The following STAG2 variants were observed in gnomAD, a reference collection of about 807,000 sequenced individuals.
The protein encoded by STAG2 is STAG2 cohesin complex component, also known as cohesin subunit SA-2.
A neutral mutation model predicts 108.1 loss-of-function variants in STAG2; 14 were observed. The ratio of observed to expected loss-of-function variants is 0.13; its 90% CI spans 0.09 to 0.20. The LOEUF is 0.20. Ranked by LOEUF, STAG2 falls within the 10% of genes least tolerant of loss-of-function variation. The pLI is 1.00. For missense variants in STAG2, 440 were observed against 940.9 expected (o/e 0.47, Z 6.96); for synonymous variants, 307 against 302.7 (o/e 1.01, Z -0.15).
At chrX:124,045,864 T>A (rs2057860164) in intron 8 of STAG2, among the ~76,000 whole-genome samples, 1 of 111,119 alleles carries the variant, frequency 9.0e-6, no homozygotes, top group South Asian at 3.8e-4. Context: ...TAGTTTGTCT[T>A]TGGTGTGCGT....
At chrX:124,015,976 A>C (rs1390662082) in intron 1 of STAG2, among the ~76,000 whole-genome samples, 3 of 111,965 alleles carry the variant, frequency 2.7e-5, no homozygotes, top group Non-Finnish European at 5.6e-5. Context: ...CCTGTAAGAA[A>C]GTTTATGTTC....
intron 1 of STAG2, among the ~76,000 whole-genome samples, chrX:123,986,043 T>C (rs988735004): frequency 5.7e-5 from 6 of 106,151 alleles, no homozygotes; most frequent in South Asian, 4.0e-4. Context: ...TAACCTCACA[T>C]ATATATATAT....
At chrX:124,051,812 G>C (rs575869860) in intron 13 of STAG2, among the ~76,000 whole-genome samples, 20 of 111,101 alleles carry the variant, frequency 1.8e-4, no homozygotes, top group South Asian at 7.5e-4. Context: ...GGATGGTCTC[G>C]ATCTCCTGAC....
rs1184525984 is a variant in STAG2, at chrX:124,081,374, A to G, written c.2776-6A>G. On this transcript the variant is annotated splice_polypyrimidine_tract_variant and splice_region_variant and intron_variant, in intron 27 of 34. Transcript: ENST00000371145. Reference sequence around the variant, plus strand: ...ACTTTAACATGCTTTCTTTCTTTCCAAACAGCTTTTTAATGAAATGATACA... The same window carrying G: ...ACTTTAACATGCTTTCTTTCTTTCCGAACAGCTTTTTAATGAAATGATACA... 8.9e-7 allele frequency: 1 copy of G among 1,127,895 alleles called. No homozygotes were observed. The highest frequency in any genetic ancestry group is 2.6e-4 in the Middle Eastern group (1 of 3,850). 93.0% of individuals were successfully genotyped at this position (1,127,895 alleles called of 1,213,427 possible).
At chrX:123,969,867 G>C (rs1351105704) in intron 1 of STAG2, among the ~76,000 whole-genome samples, 1 of 106,800 alleles carries the variant, frequency 9.4e-6, no homozygotes, top group African/African-American at 3.4e-5. Flanking sequence ...GGCTGGTCTC[G>C]AACTCCTGAC....
At chrX:123,971,115 A>G (rs2054333491) in intron 1 of STAG2, among the ~76,000 whole-genome samples, 1 of 112,071 alleles carries the variant, frequency 8.9e-6, no homozygotes, top group South Asian at 3.6e-4. Flanking sequence ...CCCACTTAGT[A>G]AGCGGTAAGA....
chrX:124,031,697 C>A (rs1383828828), intron 5 of STAG2, among the ~76,000 whole-genome samples: 2 of 106,262 alleles, frequency 1.9e-5, no homozygotes, highest in Non-Finnish European at 3.9e-5. Context: ...GGATTACAGG[C>A]GGAAGCCACC....
chrX:124,096,746 C>T (rs929095530), intron 34 of STAG2, among the ~76,000 whole-genome samples: 4 of 112,283 alleles, frequency 3.6e-5, no homozygotes, highest in African/African-American at 6.5e-5. Context: ...CCTCAGGTGA[C>T]GGTTATACCA....
Position 124,022,471 on chromosome X carries a change from A to G in STAG2, c.-97-60A>G, listed in dbSNP as rs915001077. The G allele has an allele frequency of 1.2e-5, 5 of 431,104 alleles. No homozygotes were observed. The South Asian group carries it at 1.8e-4, about 15-fold the overall frequency. The allele number at this position is 431,104 out of a possible 1,213,427, so 35.5% of individuals were successfully genotyped here. A position where few individuals can be genotyped will look rare whatever the true frequency, so the allele number is the denominator to read the frequency against. On this transcript the variant is annotated intron_variant, in intron 2 of 34. Coordinates refer to ENST00000371145, the MANE Select transcript of STAG2 (RefSeq NM_001042750.2). ...TGGGGAATTTAACTTTTGAGTATGGATATCCTTTCCGAATATTTTTGGTGC... is the reference window on the plus strand; with the variant it reads ...TGGGGAATTTAACTTTTGAGTATGGGTATCCTTTCCGAATATTTTTGGTGC...
At chrX:123,999,207 CAG>C (rs2055907652) in intron 1 of STAG2, among the ~76,000 whole-genome samples, 1 of 111,926 alleles carries the variant, frequency 8.9e-6, no homozygotes, top group Non-Finnish European at 1.9e-5. Context: ...GTAGAGGAAG[CAG>C]AGAGACATTA....
At chrX:123,970,916 G>A (rs1031675048) in intron 1 of STAG2, among the ~76,000 whole-genome samples, 9 of 111,712 alleles carry the variant, frequency 8.1e-5, no homozygotes, top group Non-Finnish European at 1.5e-4. Context: ...ACTTTTGAAC[G>A]TGAAAGGGAT....
intron 1 of STAG2, among the ~76,000 whole-genome samples, chrX:124,009,179 T>C (rs2056414860): frequency 2.7e-5 from 3 of 111,285 alleles, no homozygotes; most frequent in Non-Finnish European, 5.6e-5. Flanking sequence ...TTTGGGGATA[T>C]TGATTTTGCA....
intron 5 of STAG2, among the ~76,000 whole-genome samples, chrX:124,031,510 C>T (rs1477714869): frequency 9.4e-6 from 1 of 106,681 alleles, no homozygotes; most frequent in African/African-American, 3.4e-5. Flanking sequence ...CAGGTACAAA[C>T]CACCATGCCT....
intron 1 of STAG2, among the ~76,000 whole-genome samples, chrX:124,000,391 C>G (rs1214431866): frequency 9.0e-6 from 1 of 111,234 alleles, no homozygotes; most frequent in Non-Finnish European, 1.9e-5. Flanking sequence ...AAATTGTGGC[C>G]AGGCATGGTG....
intron 5 of STAG2, among the ~76,000 whole-genome samples, chrX:124,032,956 A>G (rs2057393360): frequency 8.9e-6 from 1 of 112,564 alleles, no homozygotes; most frequent in Admixed American, 9.4e-5. Context: ...AAATGTGTCA[A>G]ATGAGGCTAA....
intron 5 of STAG2, among the ~76,000 whole-genome samples, chrX:124,035,516 TTTA>T (rs944068363): frequency 1.8e-5 from 2 of 111,927 alleles, no homozygotes. Context: ...CAACAATCAT[TTTA>T]TTATGCCTAA....
At chrX:123,991,489 A>T in intron 1 of STAG2, among the ~76,000 whole-genome samples, 1 of 107,652 alleles carries the variant, frequency 9.3e-6, no homozygotes, top group Non-Finnish European at 1.9e-5. Context: ...AGTAGCTGGG[A>T]CTACAAGCAT....
At position 124,056,330 on chromosome X, in the gene STAG2, CTT is replaced by C. The variant is rs996423819; in HGVS notation, c.1304+96_1304+97del. 1.3e-5 allele frequency: 6 copies of C among 444,566 alleles called. No homozygotes were observed. In the African/African-American group the frequency reaches 1.5e-4, roughly 11 times the overall value. 36.6% of individuals were successfully genotyped at this position (444,566 alleles called of 1,213,427 possible). On this transcript the variant is annotated intron_variant, in intron 14 of 34. Coordinates refer to ENST00000371145, the MANE Select transcript of STAG2 (RefSeq NM_001042750.2). ...TGACATTAAGATTATATATATATAA[CTT>C]ATTTTAAAAATTACTACAGATCATA...
At chrX:124,051,455 GTA>G in intron 13 of STAG2, 61 bp downstream of exon 13, 1 of 943,935 alleles carries the variant, frequency 1.1e-6, no homozygotes. Context: ...ATATATTAGA[GTA>G]TTTGGTTCAG....
Sources: gnomAD v4.1 joint callset for allele counts (sites outside exome capture counted in the v4.1 genomes callset) on GRCh38, gnomAD v4.1.1 for gene constraint, MANE v1.5 for transcripts, NCBI Gene and HGNC (gene_info 2026-07-23, HGNC 2026-07-21) for gene names.